The following RBFOX1 variants were observed in gnomAD, a reference collection of about 807,000 sequenced individuals.
RBFOX1 encodes the protein RNA binding fox-1 homolog 1.
RBFOX1 carries 8 observed loss-of-function variants against 57.7 expected under a neutral mutation model. That is an observed-to-expected ratio of 0.14 (90% CI 0.08 to 0.25). The LOEUF (loss-of-function observed/expected upper bound fraction) is 0.25. Ranked by LOEUF, RBFOX1 falls within the 10% of genes least tolerant of loss-of-function variation. The probability of loss-of-function intolerance (pLI) is 1.00; values close to 1 mark genes in which losing one functional copy is unlikely to be tolerated. For synonymous variants in RBFOX1, 326 were observed against 222.4 expected, an observed-to-expected ratio of 1.47 and a Z score of -4.15; for missense variants, 611 against 548.5, an observed-to-expected ratio of 1.11 and a Z score of -1.14.
chr16:6,887,645 T>A (rs893599640), intron 3 of RBFOX1, among the ~76,000 whole-genome samples: 2 of 149,708 alleles, frequency 1.3e-5, no homozygotes, highest in African/African-American at 2.5e-5. Context: ...GGTTTGGTTG[T>A]TTTTGCTGTC....
chr16:5,463,911 A>G (rs986125870), intron 1 of RBFOX1, among the ~76,000 whole-genome samples: 9 of 152,204 alleles, frequency 5.9e-5, no homozygotes, highest in Non-Finnish European at 2.9e-5. Context: ...ATTTGCTTTC[A>G]GCCAAATTGT....
chr16:6,359,520 C>G (rs956137886), intron 2 of RBFOX1, among the ~76,000 whole-genome samples: 9 of 152,190 alleles, frequency 5.9e-5, no homozygotes, highest in African/African-American at 2.2e-4. Context: ...ATGAAAGACA[C>G]TCTTCCCAAA....
chr16:7,489,932 T>C (rs988082908), intron 4 of RBFOX1, among the ~76,000 whole-genome samples: 11 of 152,162 alleles, frequency 7.2e-5, no homozygotes, highest in South Asian at 4.2e-4. Context: ...GAATTTTCCT[T>C]GGTCAGAGTT....
intron 4 of RBFOX1, among the ~76,000 whole-genome samples, chr16:7,359,189 T>TTTGGCAAGG (rs2097273271): frequency 6.6e-6 from 1 of 152,166 alleles, no homozygotes; most frequent in Non-Finnish European, 1.5e-5. Context: ...TCTCAGAACC[T>TTTGGCAAGG]CTCTTATCTG....
intron 7 of RBFOX1, among the ~76,000 whole-genome samples, chr16:7,594,468 A>G (rs1428848133): frequency 6.6e-6 from 1 of 152,196 alleles, no homozygotes; most frequent in Non-Finnish European, 1.5e-5. Flanking sequence ...TCTGAACAAG[A>G]TGTACAAATA....
intron 4 of RBFOX1, among the ~76,000 whole-genome samples, chr16:7,372,168 A>G (rs746249697): frequency 6.6e-6 from 1 of 152,176 alleles, no homozygotes; most frequent in Non-Finnish European, 1.5e-5. Context: ...CTCCTACTAT[A>G]TATAATGCTA....
chr16:5,758,533 G>A (rs889972071), intron 3 of RBFOX1, among the ~76,000 whole-genome samples: 1 of 152,174 alleles, frequency 6.6e-6, no homozygotes, highest in African/African-American at 2.4e-5. Flanking sequence ...AGCCATTTCT[G>A]TGAAGTTGCT....
At chr16:7,707,469 A>G (rs949305355) in intron 14 of RBFOX1, among the ~76,000 whole-genome samples, 4 of 152,178 alleles carry the variant, frequency 2.6e-5, no homozygotes, top group East Asian at 1.9e-4. Context: ...CTGAAGGTTG[A>G]TAATACAGAC....
intron 4 of RBFOX1, among the ~76,000 whole-genome samples, chr16:7,262,258 T>C (rs1421579649): frequency 2.6e-5 from 4 of 152,194 alleles, no homozygotes; most frequent in Non-Finnish European, 4.4e-5. Context: ...CATTTTATGG[T>C]TGCTGTTGTT....
At chr16:7,612,123 C>T (rs1165605571) in intron 10 of RBFOX1, among the ~76,000 whole-genome samples, 2 of 151,588 alleles carry the variant, frequency 1.3e-5, no homozygotes, top group East Asian at 1.9e-4. Flanking sequence ...GGATTGAGAC[C>T]ATCCTGGCTA....
intron 3 of RBFOX1, among the ~76,000 whole-genome samples, chr16:6,689,538 C>T (rs1001396921): frequency 2.6e-5 from 4 of 152,024 alleles, no homozygotes; most frequent in Admixed American, 6.6e-5. Flanking sequence ...GAGATGTTTA[C>T]ACAGGACTTA....
At position 6,718,625 on chromosome 16, in the gene RBFOX1, G is replaced by C. The variant is rs146833956; in HGVS notation, c.-16+63975G>C. On this transcript the variant is annotated intron_variant, in intron 3 of 15. Coordinates refer to ENST00000550418, the MANE Select transcript of RBFOX1 (RefSeq NM_018723.4). ...ATCCCCAATATTGGAGGAGGAGCCT[G>C]GTGGGAGGCAATTCGATCATGGGAA... 1.3e-4 allele frequency among the ~76,000 whole-genome samples: 20 copies of C among 152,248 alleles called. No individual in the cohort carries two copies. In the East Asian group the frequency reaches 3.9e-3, roughly 29 times the overall value.
chr16:5,337,793 A>C (rs1335371368), intron 1 of RBFOX1, among the ~76,000 whole-genome samples: 3 of 152,178 alleles, frequency 2.0e-5, no homozygotes, highest in Non-Finnish European at 4.4e-5. Flanking sequence ...CAAGGAAGGA[A>C]CTGGACTTTT....
At chr16:7,475,240 C>T (rs561922383) in intron 4 of RBFOX1, among the ~76,000 whole-genome samples, 17 of 151,040 alleles carry the variant, frequency 1.1e-4, no homozygotes, top group African/African-American at 3.4e-4. Context: ...GTGTGTAGTT[C>T]TGTTTTCAAC....
intron 4 of RBFOX1, among the ~76,000 whole-genome samples, chr16:5,879,609 C>T (rs1055563400): frequency 3.3e-5 from 5 of 152,296 alleles, no homozygotes; most frequent in Admixed American, 6.5e-5. Context: ...GGATTATAGG[C>T]GTGAGCCACC....
At chr16:7,510,357 G>A (rs2074698450) in intron 4 of RBFOX1, 2 of 982,754 alleles carry the variant, frequency 2.0e-6, no homozygotes. Flanking sequence ...TCAAAATTGC[G>A]ATTTGAATGA....
intron 4 of RBFOX1, among the ~76,000 whole-genome samples, chr16:5,912,905 C>G (rs897234355): frequency 4.6e-5 from 7 of 152,114 alleles, no homozygotes; most frequent in Non-Finnish European, 1.0e-4. Context: ...GTTCTGGCCT[C>G]CAGACCCAAG....
chr16:7,610,118 C>CTTTTGTTTTTTTTTT (rs2057156267), intron 10 of RBFOX1, among the ~76,000 whole-genome samples: 1 of 65,622 alleles, frequency 1.5e-5, no homozygotes, highest in Non-Finnish European at 2.5e-5. Context: ...GCCCGGCCCC[C>CTTTTGTTTTTTTTTT]TTTTTTTTTT....
At position 7,224,127 on chromosome 16, in the gene RBFOX1, TAAAA is replaced by T. The variant is rs1168449932; in HGVS notation, c.27+172055_27+172058del. On this transcript the variant is annotated intron_variant, in intron 4 of 15. Coordinates refer to ENST00000550418, the MANE Select transcript of RBFOX1 (RefSeq NM_018723.4). ...TTTCTATCCTGATTCTTCCTTTTTC[TAAAA>T]AAAAAAAAAAAAAAAAAAAAAAAAA... Among the ~76,000 whole-genome samples the T allele has an allele frequency of 5.0e-3, 261 of 52,248 alleles. 1 individual carries two copies. Among genetic ancestry groups the T allele is most frequent in the African/African-American group, 0.019 (241 of 12,972 alleles). The allele number at this position is 52,248 out of a possible 152,430, so 34.3% of individuals were successfully genotyped here. A position where few individuals can be genotyped will look rare whatever the true frequency, so the allele number is the denominator to read the frequency against.
Sources: allele counts gnomAD v4.1 joint callset (sites outside exome capture counted in the v4.1 genomes callset), GRCh38; gene constraint gnomAD v4.1.1; transcripts MANE v1.5; gene names NCBI Gene and HGNC (gene_info 2026-07-23, HGNC 2026-07-21).